TSPAN18: variants seen among roughly 807,000 people sequenced by gnomAD.
TSPAN18 encodes the protein tetraspanin-18.
In TSPAN18, 14 loss-of-function variants were observed where a neutral mutation model predicts 27.3. The ratio of observed to expected loss-of-function variants is 0.51; its 90% confidence interval spans 0.34 to 0.80. The LOEUF (loss-of-function observed/expected upper bound fraction) is 0.80, where lower values mean the gene tolerates loss of function less well. Among genes scored for constraint, TSPAN18 ranks in the 30% least tolerant of loss-of-function variants. The pLI, the probability that TSPAN18 is intolerant of heterozygous loss-of-function variation, is 0.01. For synonymous variants in TSPAN18, 143 were observed against 136.5 expected, an observed-to-expected ratio of 1.05 and a Z score of -0.33; for missense variants, 268 against 323.9, an observed-to-expected ratio of 0.83 and a Z score of 1.32.
chr11:44,893,134 T>C (rs1858910499), intron 3 of TSPAN18, among the ~76,000 whole-genome samples: 1 of 152,214 alleles, frequency 6.6e-6, no homozygotes, highest in Admixed American at 6.5e-5. Flanking sequence ...CTGATGGCCC[T>C]GTGGGTGTTC....
rs182494753 is a variant in TSPAN18 at position 44,867,223 on chromosome 11, G to C, written c.-11+6754G>C. Among the ~76,000 whole-genome samples, 27 of 151,980 alleles carry C rather than the reference G, an allele frequency of 1.8e-4. No homozygotes were observed. The East Asian group carries it at 5.0e-3, about 28-fold the overall frequency. On this transcript the variant is annotated intron_variant, in intron 3 of 9. Coordinates refer to ENST00000520358, the MANE Select transcript of TSPAN18 (RefSeq NM_130783.5). Reference sequence around the variant, plus strand: ...AGAGTGGTGAGGCCCGGCACCCTGGGTTTTGACAAGCCCTCCAGGAGATTC... The same window carrying C: ...AGAGTGGTGAGGCCCGGCACCCTGGCTTTTGACAAGCCCTCCAGGAGATTC...
At chr11:44,886,918 C>T (rs769806701) in intron 3 of TSPAN18, among the ~76,000 whole-genome samples, 10 of 152,086 alleles carry the variant, frequency 6.6e-5, no homozygotes, top group Admixed American at 3.3e-4. Context: ...TATATATTGT[C>T]TGTGTGGGTT....
chr11:44,798,933 T>G (rs979221971), intron 2 of TSPAN18, among the ~76,000 whole-genome samples: 1 of 152,170 alleles, frequency 6.6e-6, no homozygotes, highest in Admixed American at 6.5e-5. Flanking sequence ...TGAGGCCAAC[T>G]AGGGGACCCA....
intron 5 of TSPAN18, among the ~76,000 whole-genome samples, chr11:44,911,098 G>A (rs1228566534): frequency 6.6e-6 from 1 of 152,214 alleles, no homozygotes; most frequent in Non-Finnish European, 1.5e-5. Flanking sequence ...TCCTGGACTT[G>A]GAGAACTTCT....
chr11:44,917,455 T>C (rs1444463402), intron 5 of TSPAN18: 1 of 152,658 alleles, frequency 6.6e-6, no homozygotes, highest in African/African-American at 2.4e-5. Flanking sequence ...TCCAATCTTA[T>C]TCCTTGGGTT....
chr11:44,930,726 G>A lies in TSPAN18; in HGVS notation c.*1548G>A, dbSNP rs565103517. ...GGATCTGAGGTTTGGTCTGGGCTCAGTGGGAGACGGCAGTGCAATCCTGAT... is the reference window on the plus strand; with the variant it reads ...GGATCTGAGGTTTGGTCTGGGCTCAATGGGAGACGGCAGTGCAATCCTGAT... On this transcript the variant is annotated 3_prime_UTR_variant, in exon 10 of 10. Transcript: ENST00000520358. 3.8e-4 allele frequency: 157 copies of A among 408,592 alleles called. 1 individual carries two copies. The highest frequency in any genetic ancestry group is 2.9e-3 in the African/African-American group (143 of 49,248). 25.3% of individuals were successfully genotyped at this position (408,592 alleles called of 1,614,324 possible).
chr11:44,773,581 C>T (rs1855738673), intron 2 of TSPAN18, among the ~76,000 whole-genome samples: 1 of 152,074 alleles, frequency 6.6e-6, no homozygotes, highest in African/African-American at 2.4e-5. Flanking sequence ...TTCAAAATTC[C>T]CTACAGGCAG....
intron 1 of TSPAN18, among the ~76,000 whole-genome samples, chr11:44,729,263 T>A (rs756500322): frequency 1.6e-4 from 24 of 148,578 alleles, no homozygotes; most frequent in Non-Finnish European, 3.4e-4. Flanking sequence ...ACAAAAGAAG[T>A]TTTTTTTTGT....
At chr11:44,776,146 G>C (rs1530926) in intron 2 of TSPAN18, among the ~76,000 whole-genome samples, 1,967 of 152,278 alleles carry the variant, frequency 0.013, 51 homozygotes, top group African/African-American at 0.045. Flanking sequence ...GTGCAGGCTG[G>C]TGTGCTCTGC....
intron 2 of TSPAN18, among the ~76,000 whole-genome samples, chr11:44,857,985 G>A (rs1271400954): frequency 2.0e-5 from 3 of 152,302 alleles, no homozygotes; most frequent in East Asian, 1.9e-4. Context: ...CACAGTGATC[G>A]AGAGCTTCCG....
chr11:44,779,745 ACCTGTGCACACCTATCCACATG>A (rs1187242535), intron 2 of TSPAN18, among the ~76,000 whole-genome samples: 1 of 151,796 alleles, frequency 6.6e-6, no homozygotes, highest in Non-Finnish European at 1.5e-5. Context: ...CCCCCCACAT[ACCTGTGCACACCTATCCACATG>A]CCTGTGCATG....
chr11:44,900,942 G>A (rs1590656391), intron 3 of TSPAN18, among the ~76,000 whole-genome samples: 1 of 151,986 alleles, frequency 6.6e-6, no homozygotes, highest in African/African-American at 2.4e-5. Flanking sequence ...TGATCTGCCC[G>A]CCTCAGCCTC....
chr11:44,924,128 T>TGTGTGTGTGTGA (rs1434527389), intron 8 of TSPAN18, among the ~76,000 whole-genome samples: 25 of 151,872 alleles, frequency 1.6e-4, no homozygotes, highest in Non-Finnish European at 2.5e-4. Context: ...TGTGTGTGTG[T>TGTGTGTGTGTGA]GTGATTATAT....
chr11:44,767,347 G>T (rs751495686), intron 2 of TSPAN18, among the ~76,000 whole-genome samples: 4 of 151,826 alleles, frequency 2.6e-5, no homozygotes, highest in African/African-American at 4.9e-5. Flanking sequence ...ATGACTCCAG[G>T]CTTCATGTCT....
At chr11:44,843,463 T>C (rs835788) in intron 2 of TSPAN18, among the ~76,000 whole-genome samples, 133,408 of 152,208 alleles carry the variant, frequency 0.88, 58,527 homozygotes, top group East Asian at 0.93. Context: ...ACCACAGGAA[T>C]GAGGCGAAAT....
At chr11:44,896,144 G>A (rs546937203) in intron 3 of TSPAN18, among the ~76,000 whole-genome samples, 10 of 152,268 alleles carry the variant, frequency 6.6e-5, no homozygotes, top group East Asian at 5.8e-4. Context: ...AGGGAGGGAT[G>A]GGTAAATGGG....
intron 2 of TSPAN18, among the ~76,000 whole-genome samples, chr11:44,829,015 T>A (rs991096827): frequency 1.3e-5 from 2 of 152,234 alleles, no homozygotes; most frequent in Non-Finnish European, 2.9e-5. Flanking sequence ...AACGAATGTT[T>A]ATTTTTTAAT....
intron 2 of TSPAN18, among the ~76,000 whole-genome samples, chr11:44,831,115 AAAC>A (rs1051249162): frequency 3.3e-5 from 5 of 152,150 alleles, no homozygotes; most frequent in Non-Finnish European, 5.9e-5. Flanking sequence ...TCTGTCTCAA[AAAC>A]AACAACAACA....
intron 8 of TSPAN18, among the ~76,000 whole-genome samples, chr11:44,920,797 A>C (rs1243260752): frequency 6.6e-6 from 1 of 152,236 alleles, no homozygotes; most frequent in Non-Finnish European, 1.5e-5. Flanking sequence ...GAGACACAGC[A>C]GGGGACAGGA....
Sources: allele counts gnomAD v4.1 joint callset (sites outside exome capture counted in the v4.1 genomes callset), GRCh38; gene constraint gnomAD v4.1.1; transcripts MANE v1.5; gene names NCBI Gene and HGNC (gene_info 2026-07-23, HGNC 2026-07-21).